The following RPS6KC1 variants were observed in gnomAD, a reference collection of about 807,000 sequenced individuals.
RPS6KC1 encodes ribosomal protein S6 kinase C1.
Under a neutral mutation model 103.8 loss-of-function variants are expected in RPS6KC1, and 54 were observed. The observed-to-expected ratio is 0.52, with a 90% CI of 0.42 to 0.65. The LOEUF (loss-of-function observed/expected upper bound fraction) is 0.65, where lower values mean the gene tolerates loss of function less well. RPS6KC1 is among the 30% of genes least tolerant of loss of function. The probability of loss-of-function intolerance (pLI) is 0.00; values close to 1 mark genes in which losing one functional copy is unlikely to be tolerated. For synonymous variants in RPS6KC1, 439 were observed against 438.7 expected (o/e 1.00, Z -0.01); for missense variants, 1,151 against 1,253.8 (o/e 0.92, Z 1.24).
chr1:213,608,540 G>T, the RPS6KC1 span, among the ~76,000 whole-genome samples: 2 of 151,952 alleles, frequency 1.3e-5, no homozygotes, highest in African/African-American at 2.4e-5. Context: ...CCAGGCTATC[G>T]CTTCCTCGTG....
the RPS6KC1 span, among the ~76,000 whole-genome samples, chr1:213,442,049 A>G: frequency 6.6e-6 from 1 of 152,232 alleles, no homozygotes; most frequent in African/African-American, 2.4e-5. Flanking sequence ...GCCATGAGTA[A>G]CAGTGGCTCT....
intron 11 of RPS6KC1, 114 bp downstream of exon 11, chr1:213,242,411 A>T (rs2094377230): frequency 7.7e-7 from 1 of 1,295,506 alleles, no homozygotes; most frequent in South Asian, 1.3e-5. Flanking sequence ...CTTCATTATC[A>T]GTGCAGCAAA....
At chr1:213,134,484 C>G (rs1427562730) in intron 6 of RPS6KC1, among the ~76,000 whole-genome samples, 1 of 152,002 alleles carries the variant, frequency 6.6e-6, no homozygotes, top group Non-Finnish European at 1.5e-5. Context: ...ACCAGTGAGA[C>G]TATTTTTAAT....
At chr1:213,248,238 G>A (rs961559013) in intron 12 of RPS6KC1, among the ~76,000 whole-genome samples, 2 of 152,014 alleles carry the variant, frequency 1.3e-5, no homozygotes, top group African/African-American at 2.4e-5. Flanking sequence ...CAGCAAGAGG[G>A]AACTATAGGA....
At chr1:213,695,988 T>C in the RPS6KC1 span, among the ~76,000 whole-genome samples, 1 of 152,218 alleles carries the variant, frequency 6.6e-6, no homozygotes, top group Admixed American at 6.5e-5. Flanking sequence ...TAAAGTTGAA[T>C]AAGTTGGTAT....
At chr1:213,364,036 G>A in the RPS6KC1 span, among the ~76,000 whole-genome samples, 5 of 152,012 alleles carry the variant, frequency 3.3e-5, no homozygotes, top group African/African-American at 7.3e-5. Flanking sequence ...GGATTGGCAA[G>A]TGTTTTCAGT....
the RPS6KC1 span, among the ~76,000 whole-genome samples, chr1:213,601,697 T>G: frequency 6.6e-6 from 1 of 151,858 alleles, no homozygotes; most frequent in Non-Finnish European, 1.5e-5. Context: ...TGTCTGAAGA[T>G]TCTCAGAACT....
chr1:213,623,658 T>C, the RPS6KC1 span, among the ~76,000 whole-genome samples: 1 of 152,180 alleles, frequency 6.6e-6, no homozygotes, highest in Admixed American at 6.5e-5. Context: ...CAGTTCCTTA[T>C]TAGGAACTCA....
intron 9 of RPS6KC1, among the ~76,000 whole-genome samples, chr1:213,230,895 T>C (rs1436290149): frequency 6.6e-6 from 1 of 151,790 alleles, no homozygotes; most frequent in African/African-American, 2.4e-5. Flanking sequence ...ATTTAAAATT[T>C]GAATTTCAAA....
At chr1:213,624,080 C>T in the RPS6KC1 span, among the ~76,000 whole-genome samples, 10 of 152,264 alleles carry the variant, frequency 6.6e-5, no homozygotes, top group Non-Finnish European at 5.9e-5. Context: ...AGAGGTAGAA[C>T]AAAAACCGCA....
chr1:213,377,386 G>T, the RPS6KC1 span, among the ~76,000 whole-genome samples: 1 of 152,246 alleles, frequency 6.6e-6, no homozygotes, highest in Non-Finnish European at 1.5e-5. Context: ...ACCCTAAACA[G>T]TTCTCTCTGT....
chr1:213,497,047 A>G, the RPS6KC1 span, among the ~76,000 whole-genome samples: 1 of 152,384 alleles, frequency 6.6e-6, no homozygotes, highest in South Asian at 2.1e-4. Flanking sequence ...TCTATGCATC[A>G]TGAACATTGT....
In RPS6KC1 at chr1:213,077,737, C is replaced by A; in HGVS notation, c.183C>A (p.His61Gln). Residue 61 changes from histidine (H) to glutamine (Q), a missense_variant, in exon 3 of 15, where the codon CAC (histidine) becomes CAA (glutamine). His to Gln is a conservative substitution (Grantham distance 24, BLOSUM62 0). Coordinates refer to ENST00000366960, the MANE Select transcript of RPS6KC1 (RefSeq NM_012424.6). ...WKRYSDFKKL[H>Q]KELWQIHKNL... ...GATACAGTGATTTTAAGAAACTACA[C>A]AAAGAACTATGGCAAATTCACAAAA... 6.6e-7 allele frequency: 1 copy of A among 1,523,660 alleles called. No homozygotes were observed. 94.4% of individuals were successfully genotyped at this position (1,523,660 alleles called of 1,614,324 possible).
the RPS6KC1 span, among the ~76,000 whole-genome samples, chr1:213,839,349 G>A: frequency 6.6e-6 from 1 of 152,078 alleles, no homozygotes; most frequent in African/African-American, 2.4e-5. Flanking sequence ...AGCCATCCTG[G>A]CCCTGGGGCA....
chr1:213,296,537 CA>C, the RPS6KC1 span, among the ~76,000 whole-genome samples: 1 of 152,150 alleles, frequency 6.6e-6, no homozygotes. Context: ...AGTGTCTTGG[CA>C]TCAAAAACTG....
At chr1:213,219,532 A>T (rs541682118) in intron 8 of RPS6KC1, among the ~76,000 whole-genome samples, 27 of 152,292 alleles carry the variant, frequency 1.8e-4, no homozygotes, top group Non-Finnish European at 2.8e-4. Flanking sequence ...GGATTATAAC[A>T]CATGCTGCTA....
chr1:213,414,826 G>A, the RPS6KC1 span, among the ~76,000 whole-genome samples: 12 of 151,948 alleles, frequency 7.9e-5, no homozygotes, highest in African/African-American at 2.4e-4. Context: ...GCAGGGTGGG[G>A]GCAGAGGTGG....
At chr1:213,619,363 A>C in the RPS6KC1 span, among the ~76,000 whole-genome samples, 1 of 152,186 alleles carries the variant, frequency 6.6e-6, no homozygotes, top group African/African-American at 2.4e-5. Flanking sequence ...ACTTCTCCTT[A>C]CATTTCCGAA....
At chr1:213,454,548 T>A in the RPS6KC1 span, among the ~76,000 whole-genome samples, 56 of 152,362 alleles carry the variant, frequency 3.7e-4, 1 homozygote, top group Admixed American at 1.3e-3. Flanking sequence ...AATATATTTT[T>A]AAAATTTTTC....
Sources: gnomAD v4.1 joint callset for allele counts (sites outside exome capture counted in the v4.1 genomes callset) on GRCh38, gnomAD v4.1.1 for gene constraint, MANE v1.5 for transcripts, NCBI Gene and HGNC (gene_info 2026-07-23, HGNC 2026-07-21) for gene names.